DIP2C: variants seen among roughly 807,000 people sequenced by gnomAD.
DIP2C encodes disco-interacting protein 2 homolog C.
Under a neutral mutation model 192.4 loss-of-function variants are expected in DIP2C, and 33 were observed. The observed-to-expected ratio is 0.17, with a 90% CI of 0.13 to 0.23. DIP2C has a LOEUF of 0.23. Among genes scored for constraint, DIP2C ranks in the 10% least tolerant of loss-of-function variants. DIP2C has a pLI of 1.00. For missense variants in DIP2C, 1,537 were observed against 2,110.1 expected (o/e 0.73, Z 5.32); for synonymous variants, 979 against 864.1 (o/e 1.13, Z -2.33).
At chr10:590,301 C>CGA (rs1272068004) in intron 1 of DIP2C, among the ~76,000 whole-genome samples, 3 of 152,230 alleles carry the variant, frequency 2.0e-5, no homozygotes, top group Admixed American at 2.0e-4. Flanking sequence ...ACAGCACCTT[C>CGA]GAGTCAAGTG....
intron 8 of DIP2C, among the ~76,000 whole-genome samples, chr10:411,829 G>A (rs961543699): frequency 2.6e-5 from 4 of 152,222 alleles, no homozygotes; most frequent in Admixed American, 6.5e-5. Flanking sequence ...GCGTTTCTAC[G>A]CAGATGGCGC....
chr10:336,866 TGTGTGCGCGTGTTGTGGAGGCCTAGGCAG>T (rs1957795779), intron 29 of DIP2C, among the ~76,000 whole-genome samples: 2 of 148,444 alleles, frequency 1.3e-5, no homozygotes, highest in South Asian at 4.4e-4. Context: ...TAGACTGGTG[TGTGTGCGCGTGTTGTGGAGGCCTAGGCAG>T]GTGTGTGTGT....
intron 4 of DIP2C, among the ~76,000 whole-genome samples, chr10:428,604 G>T (rs1966746360): frequency 1.3e-5 from 2 of 152,018 alleles, no homozygotes; most frequent in African/African-American, 4.8e-5. Context: ...TGACTATCAT[G>T]AACCTGGATG....
chr10:538,489 G>A (rs1031160640), intron 1 of DIP2C, among the ~76,000 whole-genome samples: 14 of 152,194 alleles, frequency 9.2e-5, no homozygotes, highest in African/African-American at 3.4e-4. Context: ...ATAAACAGGT[G>A]CCACAATCCT....
intron 1 of DIP2C, among the ~76,000 whole-genome samples, chr10:559,273 C>A (rs1849066737): frequency 6.6e-6 from 1 of 150,524 alleles, no homozygotes; most frequent in African/African-American, 2.5e-5. Flanking sequence ...CGACGAGGGT[C>A]TAACCAGGAC....
intron 1 of DIP2C, among the ~76,000 whole-genome samples, chr10:521,111 C>G (rs998618294): frequency 1.3e-5 from 2 of 152,136 alleles, no homozygotes; most frequent in East Asian, 1.9e-4. Flanking sequence ...AGTAAACAAA[C>G]GAGCATTTTC....
chr10:302,914 G>C (rs114418824), intron 32 of DIP2C, among the ~76,000 whole-genome samples: 5 of 151,114 alleles, frequency 3.3e-5, no homozygotes, highest in Non-Finnish European at 7.4e-5. Context: ...TGTAGACTCT[G>C]TAAACACTGT....
At chr10:367,873 T>TGG (rs960462462) in intron 18 of DIP2C, among the ~76,000 whole-genome samples, 1 of 152,040 alleles carries the variant, frequency 6.6e-6, no homozygotes, top group East Asian at 1.9e-4. Context: ...ACACACGGGG[T>TGG]GGGGGTGCAG....
chr10:579,369 A>C (rs1432335917), intron 1 of DIP2C, among the ~76,000 whole-genome samples: 2 of 151,970 alleles, frequency 1.3e-5, no homozygotes, highest in African/African-American at 4.8e-5. Context: ...GTGTACAAAC[A>C]AGTTCACTAT....
At chr10:500,795 C>T (rs956198173) in intron 1 of DIP2C, among the ~76,000 whole-genome samples, 1 of 152,164 alleles carries the variant, frequency 6.6e-6, no homozygotes, top group Non-Finnish European at 1.5e-5. Flanking sequence ...CAAGACAGGC[C>T]AGGTCCCATC....
chr10:662,961 A>G, intron 1 of DIP2C: 2 of 717,136 alleles, frequency 2.8e-6, no homozygotes, highest in Non-Finnish European at 5.2e-6. Flanking sequence ...CTCTGTGATT[A>G]ACAGAACATG....
At position 470,049 on chromosome 10, in the gene DIP2C, T is replaced by C. The variant is rs115456208; in HGVS notation, c.268+2390A>G. On this transcript the variant is annotated intron_variant, in intron 3 of 36. Coordinates refer to ENST00000280886, the MANE Select transcript of DIP2C (RefSeq NM_014974.3). ...TGAGTAGTGGGGTAAATGGATGAAA[T>C]GTTTGATAGATGGACGGATGGTGGA... Among the ~76,000 whole-genome samples the C allele has an allele frequency of 3.0e-3, 460 of 152,060 alleles. 3 individuals are homozygous for C. Among genetic ancestry groups the C allele is most frequent in the African/African-American group, 0.011 (438 of 41,468 alleles).
At chr10:472,318 GC>G in intron 3 of DIP2C, 120 bp downstream of exon 3, 1 of 777,906 alleles carries the variant, frequency 1.3e-6, no homozygotes. Context: ...AAAGCTGGAG[GC>G]CCCTCGCGTG....
chr10:289,853 C>T (rs937143575), intron 32 of DIP2C, among the ~76,000 whole-genome samples: 2 of 152,196 alleles, frequency 1.3e-5, no homozygotes, highest in African/African-American at 4.8e-5. Flanking sequence ...ACCGGCCTGA[C>T]GTCCTCCACG....
chr10:638,868 G>T (rs903604454), intron 1 of DIP2C, among the ~76,000 whole-genome samples: 1 of 152,224 alleles, frequency 6.6e-6, no homozygotes, highest in Admixed American at 6.5e-5. Flanking sequence ...TCCAGGACAG[G>T]CTCTAATTCC....
chr10:663,194 C>A, intron 1 of DIP2C: 1 of 376,840 alleles, frequency 2.7e-6, no homozygotes, highest in East Asian at 4.0e-5. Flanking sequence ...CTGTGGAAAA[C>A]TGGGAGATGG....
chr10:670,728 G>A (rs1465483521), intron 1 of DIP2C, among the ~76,000 whole-genome samples: 1 of 152,084 alleles, frequency 6.6e-6, no homozygotes, highest in African/African-American at 2.4e-5. Flanking sequence ...AAAAATATAA[G>A]ATAACAAAAG....
chr10:425,897 T>G (rs1240815059), intron 4 of DIP2C, among the ~76,000 whole-genome samples: 1 of 152,222 alleles, frequency 6.6e-6, no homozygotes, highest in Non-Finnish European at 1.5e-5. Flanking sequence ...TGAAAAGCCA[T>G]GGCTAATAGT....
At chr10:683,976 C>T (rs974972451) in intron 1 of DIP2C, among the ~76,000 whole-genome samples, 1 of 152,236 alleles carries the variant, frequency 6.6e-6, no homozygotes, top group South Asian at 2.1e-4. Context: ...ACAGAGACGC[C>T]GTCATGGCTC....
Sources: gnomAD v4.1 joint callset for allele counts (sites outside exome capture counted in the v4.1 genomes callset) on GRCh38, gnomAD v4.1.1 for gene constraint, MANE v1.5 for transcripts, NCBI Gene and HGNC (gene_info 2026-07-23, HGNC 2026-07-21) for gene names.